Variants in LAMA2 observed in about 807,000 individuals in gnomAD.
The protein encoded by LAMA2 is laminin subunit alpha 2.
A neutral mutation model predicts 364.8 loss-of-function variants in LAMA2; 269 were observed. The ratio of observed to expected loss-of-function variants is 0.74; its 90% CI spans 0.67 to 0.82. LAMA2 has a LOEUF of 0.82. Among genes scored for constraint, LAMA2 ranks in the 40% least tolerant of loss-of-function variants. The pLI is 0.00. For synonymous variants in LAMA2, 1,379 were observed against 1,370.6 expected, an observed-to-expected ratio of 1.01 and a Z score of -0.14; for missense variants, 3,807 against 3,873.2, an observed-to-expected ratio of 0.98 and a Z score of 0.45.
intron 40 of LAMA2, among the ~76,000 whole-genome samples, chr6:129,415,461 CAA>C (rs1191452692): frequency 6.6e-6 from 1 of 152,110 alleles, no homozygotes; most frequent in Non-Finnish European, 1.5e-5. Context: ...TGGCCTTCTC[CAA>C]ATTTTTTCTA....
At chr6:129,037,282 T>A (rs898544978) in intron 1 of LAMA2, among the ~76,000 whole-genome samples, 1 of 152,054 alleles carries the variant, frequency 6.6e-6, no homozygotes, top group African/African-American at 2.4e-5. Context: ...GCAGGATAAA[T>A]ATTGTCTACC....
intron 1 of LAMA2, among the ~76,000 whole-genome samples, chr6:128,895,370 C>A (rs975132028): frequency 2.7e-5 from 4 of 150,688 alleles, no homozygotes; most frequent in Admixed American, 6.6e-5. Flanking sequence ...CGGTGGCTCA[C>A]GCCTGTAATC....
At chr6:129,342,310 A>G (rs773568298) in intron 29 of LAMA2, 33 bp from the exon 30 acceptor site, 43 of 1,603,516 alleles carry the variant, frequency 2.7e-5, no homozygotes, top group Non-Finnish European at 3.7e-5. Flanking sequence ...TCACTAAATT[A>G]AAAACAAACT....
At chr6:129,194,257 T>G (rs1302936422) in intron 12 of LAMA2, among the ~76,000 whole-genome samples, 1 of 152,040 alleles carries the variant, frequency 6.6e-6, no homozygotes, top group African/African-American at 2.4e-5. Context: ...AGGTCAAAAT[T>G]GGATGAATTT....
rs1785216110 is a variant in LAMA2 at position 129,496,647 on chromosome 6, G to A, written c.8244+4164G>A. 2.0e-5 allele frequency among the ~76,000 whole-genome samples: 3 copies of A among 152,122 alleles called. 1 individual carries two copies. In the South Asian group the frequency reaches 6.2e-4, roughly 32 times the overall value. On this transcript the variant is annotated intron_variant, in intron 58 of 64. Coordinates refer to ENST00000421865, the MANE Select transcript of LAMA2 (RefSeq NM_000426.4). ...TCTTTTTGTGTGTGTAGGGGGAAAA[G>A]GGTGTCTTCTTTTTAAAGGTTACTA...
chr6:129,236,946 C>G (rs947141549), intron 12 of LAMA2, among the ~76,000 whole-genome samples: 4 of 152,136 alleles, frequency 2.6e-5, no homozygotes, highest in Non-Finnish European at 5.9e-5. Flanking sequence ...TGAATGCACT[C>G]AAACGTGTTC....
At chr6:128,906,279 C>T (rs11154449) in intron 1 of LAMA2, among the ~76,000 whole-genome samples, 59,143 of 109,478 alleles carry the variant, frequency 0.54, 16,939 homozygotes, top group East Asian at 0.77. Context: ...TATTTCTCCA[C>T]ATCCTCTCCA....
chr6:129,042,312 G>GTAA (rs2114757146), intron 1 of LAMA2, among the ~76,000 whole-genome samples: 1 of 152,054 alleles, frequency 6.6e-6, no homozygotes, highest in African/African-American at 2.4e-5. Context: ...GTCAATAATA[G>GTAA]TAATAATAAT....
At chr6:129,463,616 A>G (rs1783380041) in intron 49 of LAMA2, among the ~76,000 whole-genome samples, 2 of 152,054 alleles carry the variant, frequency 1.3e-5, no homozygotes, top group Non-Finnish European at 2.9e-5. Context: ...TTAGATATTC[A>G]TTAATTATGC....
chr6:129,288,497 A>G (rs1789444322), intron 19 of LAMA2, among the ~76,000 whole-genome samples: 1 of 152,174 alleles, frequency 6.6e-6, no homozygotes, highest in Non-Finnish European at 1.5e-5. Context: ...TCATATGTTA[A>G]CTTTACAGTG....
chr6:128,929,679 A>G, intron 1 of LAMA2: 1 of 1,369,506 alleles, frequency 7.3e-7, no homozygotes, highest in Non-Finnish European at 1.0e-6. Flanking sequence ...AGCCAACGCC[A>G]AGAAATCAAG....
chr6:129,014,088 A>G (rs1199481042), intron 1 of LAMA2, among the ~76,000 whole-genome samples: 1 of 152,192 alleles, frequency 6.6e-6, no homozygotes, highest in Non-Finnish European at 1.5e-5. Flanking sequence ...TGGTGATGTC[A>G]TTGAATGTGA....
intron 1 of LAMA2, among the ~76,000 whole-genome samples, chr6:128,961,347 A>AG (rs1781498817): frequency 1.6e-5 from 1 of 61,174 alleles, no homozygotes; most frequent in Non-Finnish European, 3.2e-5. Flanking sequence ...ATATATATAT[A>AG]TATATATATA....
intron 41 of LAMA2, among the ~76,000 whole-genome samples, chr6:129,430,149 T>C (rs998508913): frequency 2.6e-5 from 4 of 152,200 alleles, no homozygotes; most frequent in African/African-American, 9.7e-5. Flanking sequence ...AAAATGGCTG[T>C]TAATCAGGGA....
intron 37 of LAMA2, 118 bp downstream of exon 37, chr6:129,393,373 T>C (rs78825135): frequency 2.5e-6 from 2 of 787,024 alleles, no homozygotes; most frequent in East Asian, 5.2e-5. Context: ...GAGTGACAAC[T>C]CTGAAAGGGG....
intron 1 of LAMA2, among the ~76,000 whole-genome samples, chr6:128,960,128 T>G (rs1190568440): frequency 1.3e-5 from 2 of 152,034 alleles, no homozygotes; most frequent in African/African-American, 2.4e-5. Flanking sequence ...TGACCCCAAA[T>G]GTTCTGTAGT....
intron 40 of LAMA2, among the ~76,000 whole-genome samples, chr6:129,421,533 A>T (rs892684150): frequency 1.3e-5 from 2 of 152,162 alleles, no homozygotes; most frequent in Non-Finnish European, 2.9e-5. Context: ...TAGCTTAGAA[A>T]ATGCTGCTTC....
intron 29 of LAMA2, among the ~76,000 whole-genome samples, chr6:129,330,783 G>A (rs932479112): frequency 2.6e-5 from 4 of 151,566 alleles, no homozygotes; most frequent in Admixed American, 6.6e-5. Flanking sequence ...GCTTTGCAAC[G>A]CTCATTTCCC....
At chr6:129,146,695 C>T (rs569845335) in intron 5 of LAMA2, among the ~76,000 whole-genome samples, 23 of 152,002 alleles carry the variant, frequency 1.5e-4, no homozygotes, top group Non-Finnish European at 3.1e-4. Flanking sequence ...GGTACTCTAG[C>T]ATGGACTTGG....
Sources: allele counts gnomAD v4.1 joint callset (sites outside exome capture counted in the v4.1 genomes callset), GRCh38; gene constraint gnomAD v4.1.1; transcripts MANE v1.5; gene names NCBI Gene and HGNC (gene_info 2026-07-23, HGNC 2026-07-21).